Variants in RAB6A observed in about 807,000 individuals in gnomAD.
RAB6A encodes the protein RAB6A, member RAS oncogene family, also known as ras-related protein Rab-6A.
Under a neutral mutation model 32.3 loss-of-function variants are expected in RAB6A, and 8 were observed. That is an observed-to-expected ratio of 0.25 (90% confidence interval 0.15 to 0.45). The LOEUF (loss-of-function observed/expected upper bound fraction) is 0.45. RAB6A is among the 20% of genes least tolerant of loss of function. The probability of loss-of-function intolerance (pLI) is 1.00; values close to 1 mark genes in which losing one functional copy is unlikely to be tolerated. For missense variants in RAB6A, 104 were observed against 249.4 expected (o/e 0.42, Z 3.93); for synonymous variants, 73 against 82.1 (o/e 0.89, Z 0.60).
rs542238235 is a variant in RAB6A at position 73,760,427 on chromosome 11, G to A, written c.70+139C>T. On this transcript the variant is annotated intron_variant, in intron 1 of 7. Transcript: ENST00000336083. The stretch of plus-strand genomic sequence containing the variant: ...TGGCGAAGAGCCAGTGGCACCGGGG[G>A]GCACATCGGGAAGGGCTGCGGTGGC... The A allele has an allele frequency of 8.9e-3, 10,216 of 1,154,290 alleles. 164 individuals are homozygous for A. Among genetic ancestry groups the A allele is most frequent in the Non-Finnish European group, 7.4e-3 (6,126 of 830,664 alleles). 71.5% of individuals were successfully genotyped at this position (1,154,290 alleles called of 1,614,324 possible). A position where few individuals can be genotyped will look rare whatever the true frequency, so the allele number is the denominator to read the frequency against.
chr11:73,718,410 G>A (rs1158280837), intron 4 of RAB6A, among the ~76,000 whole-genome samples: 1 of 152,018 alleles, frequency 6.6e-6, no homozygotes, highest in African/African-American at 2.4e-5. Context: ...AAATTTCTGG[G>A]GCAAAAAACC....
chr11:73,732,654 G>T (rs1042752156), intron 1 of RAB6A, among the ~76,000 whole-genome samples: 1 of 152,022 alleles, frequency 6.6e-6, no homozygotes. Flanking sequence ...CAGCTACTTG[G>T]GAGGCTCAGG....
chr11:73,724,488 T>TG (rs1946187138), intron 2 of RAB6A, among the ~76,000 whole-genome samples: 2 of 149,078 alleles, frequency 1.3e-5, no homozygotes, highest in South Asian at 2.2e-4. Context: ...CATTTCGTTT[T>TG]TTTTTTTTTT....
Position 73,692,229 on chromosome 11 carries a change from G to A in RAB6A, c.496-12509C>T, listed in dbSNP as rs575744721. ...GAGCAAAAAAAGAAATCAAGGCCGG[G>A]CGCAGTGGCTCACGCCTGTAATCCC... On this transcript the variant is annotated intron_variant, in intron 6 of 7. Coordinates refer to ENST00000336083, the MANE Select transcript of RAB6A (RefSeq NM_198896.2). Among the ~76,000 whole-genome samples the A allele has an allele frequency of 4.5e-4, 69 of 152,144 alleles. 2 individuals are homozygous for A. In the South Asian group the frequency reaches 0.014, roughly 30 times the overall value.
chr11:73,725,223 G>A (rs765844373), intron 2 of RAB6A, among the ~76,000 whole-genome samples: 35 of 152,198 alleles, frequency 2.3e-4, no homozygotes, highest in Non-Finnish European at 4.4e-4. Context: ...TGGTAAAAGT[G>A]GTAAAGTTAG....
chr11:73,710,228 A>G (rs1945932861), intron 5 of RAB6A, among the ~76,000 whole-genome samples: 1 of 149,658 alleles, frequency 6.7e-6, no homozygotes, highest in Admixed American at 6.7e-5. Context: ...GGCCTCCCAA[A>G]GTGCTGGGAT....
At chr11:73,709,962 T>TATACA (rs113487024) in intron 5 of RAB6A, among the ~76,000 whole-genome samples, 1 of 132,778 alleles carries the variant, frequency 7.5e-6, no homozygotes, top group East Asian at 2.1e-4. Context: ...TATATATATA[T>TATACA]TTTTTTTTTT....
At chr11:73,725,969 A>G (rs1946212496) in intron 2 of RAB6A, among the ~76,000 whole-genome samples, 1 of 152,006 alleles carries the variant, frequency 6.6e-6, no homozygotes, top group South Asian at 2.1e-4. Context: ...TCTGGGCAAC[A>G]TGGCAAGAAC....
chr11:73,681,414 T>A (rs1945354615), intron 6 of RAB6A, among the ~76,000 whole-genome samples: 1 of 152,198 alleles, frequency 6.6e-6, no homozygotes, highest in Non-Finnish European at 1.5e-5. Context: ...ATGCATAAAA[T>A]GCTCAGGGTT....
chr11:73,747,869 C>T (rs1440508068), intron 1 of RAB6A, among the ~76,000 whole-genome samples: 1 of 152,170 alleles, frequency 6.6e-6, no homozygotes, highest in Non-Finnish European at 1.5e-5. Flanking sequence ...ACTGATGTGC[C>T]TTTCTCAGTG....
intron 6 of RAB6A, among the ~76,000 whole-genome samples, chr11:73,705,785 A>AGAGAGAGC (rs1462828447): frequency 1.3e-5 from 2 of 151,340 alleles, no homozygotes; most frequent in South Asian, 4.2e-4. Flanking sequence ...AGAGAGAGAG[A>AGAGAGAGC]GAGAGAGAGA....
At chr11:73,755,173 C>T (rs996556207) in intron 1 of RAB6A, among the ~76,000 whole-genome samples, 7 of 151,966 alleles carry the variant, frequency 4.6e-5, no homozygotes, top group Non-Finnish European at 5.9e-5. Flanking sequence ...TCAAGTGATC[C>T]GCCCACCTCG....
intron 1 of RAB6A, among the ~76,000 whole-genome samples, chr11:73,757,708 A>C (rs1008464718): frequency 1.3e-5 from 2 of 152,152 alleles, no homozygotes; most frequent in Admixed American, 6.5e-5. Flanking sequence ...CTACCCCCTT[A>C]AGTATCTGAT....
At chr11:73,721,644 A>C (rs67488767) in intron 2 of RAB6A, among the ~76,000 whole-genome samples, 15,786 of 152,234 alleles carry the variant, frequency 0.1, 899 homozygotes, top group South Asian at 0.27. Context: ...GAATGGAAGA[A>C]AGACAGACTC....
chr11:73,694,195 TGTA>T (rs1380488857), intron 6 of RAB6A, among the ~76,000 whole-genome samples: 1 of 152,224 alleles, frequency 6.6e-6, no homozygotes, highest in Non-Finnish European at 1.5e-5. Context: ...GAACCAATGC[TGTA>T]GTAACAATTT....
intron 2 of RAB6A, chr11:73,722,339 ATATATTTTTT>A (rs563147988): frequency 0.12 from 1,312 of 10,620 alleles, 91 homozygotes; most frequent in Middle Eastern, 0.25. Context: ...ATATATATAT[ATATATTTTTT>A]TTTTTTTTTT....
At chr11:73,752,748 GCA>G (rs766925419) in intron 1 of RAB6A, among the ~76,000 whole-genome samples, 45 of 150,824 alleles carry the variant, frequency 3.0e-4, no homozygotes, top group Non-Finnish European at 5.2e-4. Context: ...AGCCTGGAAG[GCA>G]CAGGTTGCGG....
chr11:73,725,116 T>C (rs1056439840), intron 2 of RAB6A, among the ~76,000 whole-genome samples: 17 of 152,200 alleles, frequency 1.1e-4, no homozygotes, highest in African/African-American at 3.9e-4. Context: ...TACATGTACT[T>C]AGATGATGTG....
chr11:73,739,391 C>T (rs1017827687), intron 1 of RAB6A, among the ~76,000 whole-genome samples: 1 of 145,584 alleles, frequency 6.9e-6, no homozygotes, highest in African/African-American at 2.5e-5. Context: ...AGGTTGGTCT[C>T]GAACTCCTGG....
Sources: gnomAD v4.1 joint callset for allele counts (sites outside exome capture counted in the v4.1 genomes callset) on GRCh38, gnomAD v4.1.1 for gene constraint, MANE v1.5 for transcripts, NCBI Gene and HGNC (gene_info 2026-07-23, HGNC 2026-07-21) for gene names.